TJP2: variants seen among roughly 807,000 people sequenced by gnomAD.
TJP2 encodes Friedreich ataxia region gene X104 (tight junction protein ZO-2).
A neutral mutation model predicts 133.1 loss-of-function variants in TJP2; 91 were observed. That is an observed-to-expected ratio of 0.68 (90% CI 0.58 to 0.81). The LOEUF (loss-of-function observed/expected upper bound fraction) is 0.81. Ranked by LOEUF, TJP2 falls within the 40% of genes least tolerant of loss-of-function variation. The pLI is 0.00. For synonymous variants in TJP2, 592 were observed against 583.4 expected, an observed-to-expected ratio of 1.01 and a Z score of -0.21; for missense variants, 1,541 against 1,565.6, an observed-to-expected ratio of 0.98 and a Z score of 0.26.
In TJP2 at chr9:69,229,270, T is replaced by C. The variant is rs1563936605; in HGVS notation, c.1520+20T>C. ...ATATGGGTATGTATTTCCGTCTCTC[T>C]TTGTTTTCCCTTCTTCCTTACAGCT... On this transcript the variant is annotated intron_variant, in intron 10 of 22. Coordinates refer to ENST00000377245, the MANE Select transcript of TJP2 (RefSeq NM_004817.4). 1 of 1,609,492 alleles carries C rather than the reference T, an allele frequency of 6.2e-7. No homozygotes were observed. Among genetic ancestry groups the C allele is most frequent in the Non-Finnish European group, 8.5e-7 (1 of 1,175,802 alleles).
intron 1 of TJP2, among the ~76,000 whole-genome samples, chr9:69,187,669 G>T (rs989055787): frequency 6.6e-6 from 1 of 152,212 alleles, no homozygotes; most frequent in Non-Finnish European, 1.5e-5. Flanking sequence ...TTCAGTGAGG[G>T]TCTAAACCCA....
rs780781603 is a variant in TJP2, at chr9:69,216,437, G to A, written c.213G>A (p.Pro71=). The change falls in exon 3 of 23, where the codon CCG becomes CCA. Residue 71 remains proline, a synonymous_variant. Transcript: ENST00000377245. Reference sequence around the variant, plus strand: ...CAATTGTCATTTCTGATGTGCTCCCGGGTGGGCCTGCTGATGGGCTGCTCC... The same window carrying A: ...CAATTGTCATTTCTGATGTGCTCCCAGGTGGGCCTGCTGATGGGCTGCTCC... ...ETSIVISDVL[P]GGPADGLLQE... 7 of 1,614,122 alleles carry A rather than the reference G, an allele frequency of 4.3e-6. No homozygotes were observed. Among genetic ancestry groups the A allele is most frequent in the East Asian group, 4.5e-5 (2 of 44,892 alleles).
chr9:69,212,181 G>C (rs936897272), intron 1 of TJP2, among the ~76,000 whole-genome samples: 1 of 152,144 alleles, frequency 6.6e-6, no homozygotes, highest in Non-Finnish European at 1.5e-5. Context: ...GGTCACCTTT[G>C]ACAGGAAGAG....
chr9:69,131,449 C>T lies in TJP2; in HGVS notation c.-131+9724C>T, dbSNP rs150869613. Among the ~76,000 whole-genome samples the T allele has an allele frequency of 5.9e-5, 9 of 152,270 alleles. No homozygotes were observed. In the South Asian group the frequency reaches 1.0e-3, roughly 18 times the overall value. ...AGCTGTGTTCTACTCTTCCCACTCA[C>T]GTCACAAAGTCGAGAGAAACATCCC... On this transcript the variant is annotated intron_variant, in intron 1 of 5. Coordinates refer to the TJP2 transcript ENST00000423935.
chr9:69,254,284 C>CGAG lies in TJP2; in HGVS notation c.3493_3495dup (p.Glu1165dup), dbSNP rs746080083. On this transcript the variant is annotated inframe_insertion, in exon 23 of 23. Transcript: ENST00000377245. ...CCAGAGGAAGTTATGGCAGTGATGC[C>CGAG]GAGGAGGAGGAGTACCGCCAGCAGC... is the stretch of plus-strand genomic sequence containing the variant. 14 of 1,614,214 alleles carry CGAG rather than the reference C, an allele frequency of 8.7e-6. No homozygotes were observed. The highest frequency in any genetic ancestry group is 1.2e-5 in the Non-Finnish European group (14 of 1,180,038).
At chr9:69,174,751 C>T (rs1018924290) in intron 1 of TJP2, among the ~76,000 whole-genome samples, 3 of 144,936 alleles carry the variant, frequency 2.1e-5, no homozygotes, top group Non-Finnish European at 4.5e-5. Context: ...TCTGTTGTGT[C>T]GCTTGCATGT....
At chr9:69,193,788 A>G (rs1179507064) in intron 1 of TJP2, among the ~76,000 whole-genome samples, 2 of 151,476 alleles carry the variant, frequency 1.3e-5, no homozygotes, top group African/African-American at 4.9e-5. Flanking sequence ...CATTTGATAC[A>G]GGAAACCTCA....
At chr9:69,169,808 G>T (rs1270846096), upstream of TJP2, among the ~76,000 whole-genome samples, 1 of 151,928 alleles carries the variant, frequency 6.6e-6, no homozygotes, top group Non-Finnish European at 1.5e-5. Context: ...TGACTAAAAG[G>T]CATTTAGTTT....
Position 69,252,840 on chromosome 9 carries a change from A to G in TJP2, c.3347A>G (p.Asp1116Gly). ...ARIEIAQKHP[D>G]IYAVPIKTHK... ...ATCGAAATTGCCCAGAAGCATCCTGATATCTATGCAGTTCCAATCAAAACG... is the reference window on the plus strand; with the variant it reads ...ATCGAAATTGCCCAGAAGCATCCTGGTATCTATGCAGTTCCAATCAAAACG... The change falls in exon 22 of 23, where the codon GAT becomes GGT. Residue 1116 changes from aspartate (D) to glycine (G), a missense_variant. By Grantham distance (94) the Asp-to-Gly change is moderately conservative (BLOSUM62 -1). Coordinates refer to ENST00000377245, the MANE Select transcript of TJP2 (RefSeq NM_004817.4). 6.2e-7 allele frequency: 1 copy of G among 1,614,138 alleles called. No individual in the cohort carries two copies. Among genetic ancestry groups the G allele is most frequent in the South Asian group, 1.1e-5 (1 of 91,074 alleles).
chr9:69,221,647 G>C, intron 5 of TJP2, 151 bp downstream of exon 5: 1 of 1,056,104 alleles, frequency 9.5e-7, no homozygotes, highest in East Asian at 2.6e-5. Context: ...TCCACCTCCC[G>C]GGTTCAAGTG....
intron 1 of TJP2, among the ~76,000 whole-genome samples, chr9:69,196,098 G>T (rs1367620927): frequency 1.3e-5 from 2 of 152,208 alleles, no homozygotes; most frequent in Non-Finnish European, 1.5e-5. Flanking sequence ...AATGTGCTGG[G>T]ATTACAGGCA....
intron 1 of TJP2, among the ~76,000 whole-genome samples, chr9:69,140,240 G>T (rs939513863): frequency 6.6e-6 from 1 of 152,144 alleles, no homozygotes; most frequent in Non-Finnish European, 1.5e-5. Flanking sequence ...CTTACACGGT[G>T]TATATTATGT....
At chr9:69,174,085 G>A (rs1824859656), upstream of TJP2, 1 of 1,127,898 alleles carries the variant, frequency 8.9e-7, no homozygotes, top group Non-Finnish European at 1.1e-6. Flanking sequence ...CCTCGAAGGC[G>A]CGGCGCCGGC....
At chr9:69,160,538 A>G (rs1380220648) in intron 2 of TJP2, among the ~76,000 whole-genome samples, 6 of 152,230 alleles carry the variant, frequency 3.9e-5, no homozygotes, top group Non-Finnish European at 7.3e-5. Flanking sequence ...AAGCTCTCCC[A>G]GAGAGCATGG....
intron 1 of TJP2, among the ~76,000 whole-genome samples, chr9:69,185,523 C>T (rs902847293): frequency 1.3e-5 from 2 of 152,166 alleles, no homozygotes; most frequent in African/African-American, 2.4e-5. Context: ...AAGGTATAAG[C>T]TTGAGAAATT....
In TJP2 at chr9:69,248,191, C is replaced by T; in HGVS notation, c.2847C>T (p.Ile949=). The T allele has an allele frequency of 6.2e-7, 1 of 1,611,488 alleles. No individual in the cohort carries two copies. Among genetic ancestry groups the T allele is most frequent in the Non-Finnish European group, 8.5e-7 (1 of 1,178,730 alleles). Residue 949 remains isoleucine, a synonymous_variant, in exon 19 of 23, where the codon ATC becomes ATT. Coordinates refer to ENST00000377245, the MANE Select transcript of TJP2 (RefSeq NM_004817.4). ...CCGAGGAGCCGCTGGTGTCGTCCAT[C>T]ACCCGCTCCTCGGAGCCGGTGCAGC... ...EPAEEPLVSS[I]TRSSEPVQHE...
chr9:69,244,210 A>G (rs71503657), intron 17 of TJP2, among the ~76,000 whole-genome samples: 1 of 149,682 alleles, frequency 6.7e-6, no homozygotes, highest in African/African-American at 2.5e-5. Context: ...AAAAAAAAGT[A>G]TGCAATTCAG....
At chr9:69,143,377 GTTGTA>G (rs1404941255) in intron 1 of TJP2, among the ~76,000 whole-genome samples, 1 of 152,176 alleles carries the variant, frequency 6.6e-6, no homozygotes, top group African/African-American at 2.4e-5. Flanking sequence ...TATTTAGAGT[GTTGTA>G]TAGTAATTTT....
chr9:69,149,053 T>G (rs889668429), intron 1 of TJP2, among the ~76,000 whole-genome samples: 1 of 152,236 alleles, frequency 6.6e-6, no homozygotes, highest in Non-Finnish European at 1.5e-5. Context: ...CTCAATACTA[T>G]TGAAATCCAA....
Sources: gnomAD v4.1 joint callset for allele counts (sites outside exome capture counted in the v4.1 genomes callset) on GRCh38, gnomAD v4.1.1 for gene constraint, MANE v1.5 for transcripts, NCBI Gene and HGNC (gene_info 2026-07-23, HGNC 2026-07-21) for gene names.